The following RORB variants were observed in gnomAD, a reference collection of about 807,000 sequenced individuals.
RORB encodes the protein nuclear receptor ROR-beta.
Under a neutral mutation model 59.1 loss-of-function variants are expected in RORB, and 6 were observed. That is an observed-to-expected ratio of 0.10 (90% CI 0.06 to 0.20). The LOEUF (loss-of-function observed/expected upper bound fraction) is 0.20, where lower values mean the gene tolerates loss of function less well. Among genes scored for constraint, RORB ranks in the 10% least tolerant of loss-of-function variants. The probability of loss-of-function intolerance (pLI) is 1.00; values close to 1 mark genes in which losing one functional copy is unlikely to be tolerated. For synonymous variants in RORB, 215 were observed against 204.5 expected (o/e 1.05, Z -0.44); for missense variants, 320 against 560.5 (o/e 0.57, Z 4.33).
intron 1 of RORB, among the ~76,000 whole-genome samples, chr9:74,563,043 T>A (rs1358774828): frequency 6.6e-6 from 1 of 152,174 alleles, no homozygotes; most frequent in Non-Finnish European, 1.5e-5. Flanking sequence ...TTAACAATGA[T>A]ATGTTGCCAC....
chr9:74,643,972 G>A (rs897310928), intron 4 of RORB, among the ~76,000 whole-genome samples: 2 of 152,296 alleles, frequency 1.3e-5, no homozygotes, highest in South Asian at 2.1e-4. Context: ...GAGTTAATAC[G>A]TGTAAACCAT....
chr9:74,544,170 C>T (rs910287438), intron 1 of RORB, among the ~76,000 whole-genome samples: 30 of 152,140 alleles, frequency 2.0e-4, no homozygotes, highest in African/African-American at 7.0e-4. Context: ...TCAGGCTTGC[C>T]GCTTGCCTTG....
chr9:74,615,771 TGACTCAGGAA>T, intron 1 of RORB: 1 of 287,508 alleles, frequency 3.5e-6, no homozygotes, highest in South Asian at 2.9e-5. Flanking sequence ...AAATATTTTC[TGACTCAGGAA>T]TGTATATAAT....
intron 9 of RORB, among the ~76,000 whole-genome samples, chr9:74,678,484 T>TA (rs975786145): frequency 6.6e-5 from 10 of 151,742 alleles, no homozygotes; most frequent in African/African-American, 1.9e-4. Flanking sequence ...AATGAATTAC[T>TA]AAAAAAAAAT....
At chr9:74,675,729 CGT>C (rs1824427510) in intron 9 of RORB, among the ~76,000 whole-genome samples, 2 of 152,162 alleles carry the variant, frequency 1.3e-5, no homozygotes, top group Admixed American at 6.5e-5. Context: ...CAGAGGTCAG[CGT>C]GCCCGTCAGT....
intron 1 of RORB, among the ~76,000 whole-genome samples, chr9:74,608,423 G>T (rs905894326): frequency 1.2e-4 from 19 of 152,002 alleles, no homozygotes; most frequent in Non-Finnish European, 2.5e-4. Flanking sequence ...AATAAGCCGG[G>T]CGTGGTGGCG....
At chr9:74,561,917 C>T (rs752891227) in intron 1 of RORB, among the ~76,000 whole-genome samples, 5 of 152,088 alleles carry the variant, frequency 3.3e-5, no homozygotes, top group Non-Finnish European at 5.9e-5. Flanking sequence ...TTGATGAGTA[C>T]TGGCCAGGTA....
chr9:74,581,262 A>G (rs909079727), intron 1 of RORB, among the ~76,000 whole-genome samples: 11 of 152,182 alleles, frequency 7.2e-5, no homozygotes, highest in East Asian at 5.8e-4. Context: ...CACCTATGAC[A>G]TATAAAACAG....
intron 6 of RORB, 81 bp from the exon 7 acceptor site, chr9:74,665,407 C>T: frequency 1.3e-6 from 1 of 742,942 alleles, no homozygotes; most frequent in South Asian, 2.3e-5. Flanking sequence ...AGTCTCTTAC[C>T]TATATGCAGT....
In RORB at chr9:74,564,084, G is replaced by A. The variant is rs186105768; in HGVS notation, c.7+66101G>A. Among the ~76,000 whole-genome samples the A allele has an allele frequency of 1.9e-3, 295 of 152,148 alleles. 2 individuals carry two copies. The highest frequency in any genetic ancestry group is 3.1e-3 in the Non-Finnish European group (209 of 68,008). On this transcript the variant is annotated intron_variant, in intron 1 of 9. Coordinates refer to ENST00000376896, the MANE Select transcript of RORB (RefSeq NM_006914.4). Reference sequence around the variant, plus strand: ...TCATCAAGCTGTCATGTGCAATGTCGTACACAATAACATATATAAAGAATT... The same window carrying A: ...TCATCAAGCTGTCATGTGCAATGTCATACACAATAACATATATAAAGAATT...
chr9:74,640,304 A>G (rs1823778480), intron 3 of RORB, among the ~76,000 whole-genome samples: 1 of 152,054 alleles, frequency 6.6e-6, no homozygotes, highest in Non-Finnish European at 1.5e-5. Flanking sequence ...ACAGTGGCTC[A>G]GTCTCGGCTC....
At chr9:74,643,242 G>T (rs1823840992) in intron 4 of RORB, among the ~76,000 whole-genome samples, 1 of 152,184 alleles carries the variant, frequency 6.6e-6, no homozygotes, top group Non-Finnish European at 1.5e-5. Context: ...GATAAATGGG[G>T]ACAAACTTTA....
intron 7 of RORB, among the ~76,000 whole-genome samples, chr9:74,667,319 T>C (rs1824283151): frequency 6.6e-6 from 1 of 152,218 alleles, no homozygotes. Flanking sequence ...ATTTCTAACG[T>C]CTCAGTTTAA....
chr9:74,552,260 A>G (rs906806175), intron 1 of RORB, among the ~76,000 whole-genome samples: 3 of 152,166 alleles, frequency 2.0e-5, no homozygotes, highest in Non-Finnish European at 2.9e-5. Flanking sequence ...TTATTGGGTA[A>G]TCATTTGGCA....
In RORB at chr9:74,645,809, C is replaced by T. The variant is rs73547387; in HGVS notation, c.637+2994C>T. On this transcript the variant is annotated intron_variant, in intron 4 of 9. Transcript: ENST00000376896. ...GTAAAAAGCAAAGAACACTTATAAGCCCATATCTGAGTAACATCAAAACCC... is the reference window on the plus strand; with the variant it reads ...GTAAAAAGCAAAGAACACTTATAAGTCCATATCTGAGTAACATCAAAACCC... Among the ~76,000 whole-genome samples, 724 of 152,092 alleles carry T rather than the reference C, an allele frequency of 4.8e-3. 6 individuals are homozygous for T. The highest frequency in any genetic ancestry group is 0.017 in the African/African-American group (699 of 41,476).
At chr9:74,649,950 G>T (rs545137460) in intron 4 of RORB, among the ~76,000 whole-genome samples, 1 of 152,276 alleles carries the variant, frequency 6.6e-6, no homozygotes, top group South Asian at 2.1e-4. Context: ...GGAGATACTA[G>T]TTAGGTATTA....
chr9:74,642,813 T>C lies in RORB; in HGVS notation c.635T>C (p.Ile212Thr), dbSNP rs904996908. The C allele has an allele frequency of 3.2e-5, 51 of 1,583,918 alleles. No homozygotes were observed. Among genetic ancestry groups the C allele is most frequent in the Non-Finnish European group, 4.2e-5 (49 of 1,160,868 alleles). The change falls in exon 4 of 10, where the codon ATC (isoleucine) becomes ACC (threonine). Residue 212 changes from isoleucine (I) to threonine (T), a missense_variant and splice_region_variant. Physicochemically the swap from Ile to Thr is moderately conservative, Grantham distance 89 (BLOSUM62 -1). Transcript: ENST00000376896. ...GCACCAGGGATAACCATGACTGAAATCGGTAAGTGGAAGTCTCCTCCCAGT... is the reference window on the plus strand; with the variant it reads ...GCACCAGGGATAACCATGACTGAAACCGGTAAGTGGAAGTCTCCTCCCAGT... ...QLAPGITMTE[I>T]DRIAQNIIKS...
chr9:74,583,386 A>G (rs1237563884), intron 1 of RORB, among the ~76,000 whole-genome samples: 1 of 152,140 alleles, frequency 6.6e-6, no homozygotes, highest in Admixed American at 6.5e-5. Flanking sequence ...GTAATTCTGC[A>G]AAACAGATAC....
Position 74,665,573 on chromosome 9 carries a change from A to T in RORB, c.978A>T (p.Gly326=). The change falls in exon 7 of 10, where the codon GGA becomes GGT. Residue 326 remains glycine, a synonymous_variant. Transcript: ENST00000376896. ...NTVLFEGKYG[G]MQMFKALGSD... ...TTCTGTTTGAAGGAAAATATGGAGG[A>T]ATGCAAATGTTCAAAGCCTTAGGTA... 6.2e-7 allele frequency: 1 copy of T among 1,611,958 alleles called. No homozygotes were observed. Among genetic ancestry groups the T allele is most frequent in the East Asian group, 2.2e-5 (1 of 44,858 alleles).
Sources: gnomAD v4.1 joint callset for allele counts (sites outside exome capture counted in the v4.1 genomes callset) on GRCh38, gnomAD v4.1.1 for gene constraint, MANE v1.5 for transcripts, NCBI Gene and HGNC (gene_info 2026-07-23, HGNC 2026-07-21) for gene names.